Variants in EP300 observed in about 807,000 individuals in gnomAD.
EP300 encodes the protein EP300 lysine acetyltransferase, also known as histone acetyltransferase p300.
EP300 carries 31 observed loss-of-function variants against 264.0 expected under a neutral mutation model. The observed-to-expected ratio is 0.12, with a 90% CI of 0.09 to 0.16. EP300 has a LOEUF of 0.16. Among genes scored for constraint, EP300 ranks in the 10% least tolerant of loss-of-function variants. The probability of loss-of-function intolerance (pLI) is 1.00; values close to 1 mark genes in which losing one functional copy is unlikely to be tolerated. For missense variants in EP300, 2,766 were observed against 3,052.9 expected (o/e 0.91, Z 2.21); for synonymous variants, 1,340 against 1,045.4 (o/e 1.28, Z -5.44).
At chr22:41,149,700 T>C (rs1326193624) in intron 13 of EP300, 61 bp from the exon 14 acceptor site, 4 of 1,528,706 alleles carry the variant, frequency 2.6e-6, no homozygotes, top group East Asian at 2.2e-5. Flanking sequence ...ATCATGCCTA[T>C]GTAAGTATTT....
At chr22:41,161,662 C>T (rs2145753770) in intron 20 of EP300, among the ~76,000 whole-genome samples, 1 of 152,128 alleles carries the variant, frequency 6.6e-6, no homozygotes, top group Non-Finnish European at 1.5e-5. Context: ...AAGATGTAGG[C>T]AGTCATTAGA....
chr22:41,116,494 T>C (rs2058822144), intron 1 of EP300, among the ~76,000 whole-genome samples: 1 of 152,192 alleles, frequency 6.6e-6, no homozygotes, highest in Non-Finnish European at 1.5e-5. Flanking sequence ...TTTCTGAGAA[T>C]GATGGTTTCC....
At chr22:41,160,187 G>T (rs938875959) in intron 19 of EP300, 5 of 203,996 alleles carry the variant, frequency 2.5e-5, no homozygotes, top group Non-Finnish European at 4.1e-5. Flanking sequence ...GAAATGAAAG[G>T]ATATGGGTCT....
chr22:41,117,288 A>T lies in EP300; in HGVS notation c.196A>T (p.Thr66Ser), dbSNP rs750071278. The T allele has an allele frequency of 6.2e-7, 1 of 1,614,210 alleles. No individual in the cohort carries two copies. Among genetic ancestry groups the T allele is most frequent in the South Asian group, 1.1e-5 (1 of 91,090 alleles). Residue 66 changes from threonine (T) to serine (S), a missense_variant, in exon 2 of 31, where the codon ACA becomes TCA. Coordinates refer to ENST00000263253, the MANE Select transcript of EP300 (RefSeq NM_001429.4). Reference sequence around the variant, plus strand: ...TGGTGGTGATATTAATCAGCTTCAGACAAGTCTTGGCATGGTACAAGATGC... The same window carrying T: ...TGGTGGTGATATTAATCAGCTTCAGTCAAGTCTTGGCATGGTACAAGATGC... ...TNGGDINQLQ[T>S]SLGMVQDAAS...
At chr22:41,167,674 A>C (rs1218965634) in intron 23 of EP300, among the ~76,000 whole-genome samples, 1 of 130,952 alleles carries the variant, frequency 7.6e-6, no homozygotes, top group African/African-American at 2.9e-5. Context: ...TTTGGAAACA[A>C]GGTTTCACTG....
intron 1 of EP300, among the ~76,000 whole-genome samples, chr22:41,106,651 T>C (rs1025515721): frequency 3.6e-4 from 55 of 152,208 alleles, no homozygotes; most frequent in Non-Finnish European, 7.9e-4. Context: ...TGTTTGAGAC[T>C]GTCGTCCAGG....
chr22:41,169,496 TG>T lies in EP300; in HGVS notation c.4173-6del. 1 of 1,573,752 alleles carries T rather than the reference TG, an allele frequency of 6.4e-7. No individual in the cohort carries two copies. Among genetic ancestry groups the T allele is most frequent in the East Asian group, 2.2e-5 (1 of 44,702 alleles). ...TTTTCCTCTTCATTTCTCTTCATTTTGTATAGGAGAGTATACATATCTTACC... is the reference window on the plus strand; with the variant it reads ...TTTTCCTCTTCATTTCTCTTCATTTTTATAGGAGAGTATACATATCTTACC... On this transcript the variant is annotated splice_region_variant and splice_polypyrimidine_tract_variant and intron_variant, in intron 25 of 30. Transcript: ENST00000263253.
chr22:41,157,353 T>G lies in EP300; in HGVS notation c.3446T>G (p.Phe1149Cys). Reference sequence around the variant, plus strand: ...TACTGCTCCAAGCTCTCTGAGGTCTTTGAACAAGAAATTGACCCAGTGATG... The same window carrying G: ...TACTGCTCCAAGCTCTCTGAGGTCTGTGAACAAGAAATTGACCCAGTGATG... ...YKYCSKLSEV[F>C]EQEIDPVMQS... The change falls in exon 18 of 31, where the codon TTT (phenylalanine) becomes TGT (cysteine). Residue 1149 changes from phenylalanine to cysteine, a missense_variant. Transcript: ENST00000263253. The G allele has an allele frequency of 6.2e-7, 1 of 1,614,108 alleles. No individual in the cohort carries two copies. The highest frequency in any genetic ancestry group is 8.5e-7 in the Non-Finnish European group (1 of 1,180,012).
intron 10 of EP300, among the ~76,000 whole-genome samples, chr22:41,144,545 CAG>C (rs900747723): frequency 2.0e-5 from 3 of 151,700 alleles, no homozygotes; most frequent in Non-Finnish European, 4.4e-5. Context: ...TTAGTAGAAA[CAG>C]GGTTTCTGTA....
chr22:41,175,255 G>A (rs1325402317), intron 29 of EP300, among the ~76,000 whole-genome samples: 1 of 117,928 alleles, frequency 8.5e-6, no homozygotes, highest in Non-Finnish European at 1.8e-5. Flanking sequence ...CAGAAGCAGC[G>A]AACATTGCTG....
chr22:41,165,492 C>T (rs1036842583), intron 22 of EP300, among the ~76,000 whole-genome samples: 3 of 152,086 alleles, frequency 2.0e-5, no homozygotes, highest in Admixed American at 1.3e-4. Context: ...GGCGCGATCT[C>T]GGCTCACTGC....
chr22:41,149,602 T>TA lies in EP300; in HGVS notation c.2380-158dup, dbSNP rs1235849079. On this transcript the variant is annotated intron_variant, in intron 13 of 30. Transcript: ENST00000263253. ...CTATCTTGATGGTGCTGTCCAAAGA[T>TA]ACATGCCCAGTAATAGGGTATTTTA... Among the ~76,000 whole-genome samples the TA allele has an allele frequency of 5.9e-5, 9 of 152,280 alleles. No homozygotes were observed. In the East Asian group the frequency reaches 1.5e-3, roughly 26 times the overall value.
rs375551161 is a variant in EP300 at position 41,101,435 on chromosome 22, G to A, written c.94+8337G>A. 4.2e-5 allele frequency among the ~76,000 whole-genome samples: 6 copies of A among 144,438 alleles called. No individual in the cohort carries two copies. The South Asian group carries it at 6.6e-4, about 16-fold the overall frequency. The allele number at this position is 144,438 out of a possible 152,430, so 94.8% of individuals were successfully genotyped here. ...GGATCTTTTTTTTTTTTTTTGAGAC[G>A]GAGTCTAGCTCTGTCACCCAGGCTA... On this transcript the variant is annotated intron_variant, in intron 1 of 30. Transcript: ENST00000263253.
At chr22:41,100,422 A>G (rs1016846412) in intron 1 of EP300, among the ~76,000 whole-genome samples, 2 of 152,192 alleles carry the variant, frequency 1.3e-5, no homozygotes, top group African/African-American at 4.8e-5. Flanking sequence ...TATGTCATCT[A>G]TCCAAATGTT....
intron 29 of EP300, 90 bp from the exon 30 acceptor site, chr22:41,176,157 T>C: frequency 6.8e-7 from 1 of 1,466,398 alleles, no homozygotes; most frequent in Non-Finnish European, 9.4e-7. Flanking sequence ...GAGGCAGAGG[T>C]TGTAGTGAGC....
At chr22:41,168,244 T>C (rs2059151458) in intron 23 of EP300, 3 of 591,974 alleles carry the variant, frequency 5.1e-6, no homozygotes, top group Admixed American at 2.9e-5. Context: ...GTATTAAAAT[T>C]AGAATGATAT....
chr22:41,157,052 T>C (rs1039747831), intron 17 of EP300, 117 bp from the exon 18 acceptor site: 14 of 1,283,128 alleles, frequency 1.1e-5, no homozygotes, highest in Non-Finnish European at 1.5e-5. Context: ...TTGGGGAATA[T>C]AGACAGGCCA....
intron 24 of EP300, 26 bp from the exon 25 acceptor site, chr22:41,168,695 G>A (rs2145763214): frequency 6.2e-7 from 1 of 1,614,182 alleles, no homozygotes; most frequent in Non-Finnish European, 8.5e-7. Flanking sequence ...TTATGTTGTG[G>A]TTCCCCCACC....
intron 25 of EP300, chr22:41,169,146 C>A: frequency 1.8e-6 from 1 of 564,142 alleles, no homozygotes; most frequent in Non-Finnish European, 3.2e-6. Flanking sequence ...AGAAAATGAG[C>A]TTAAATCTGG....
Sources: gnomAD v4.1 joint callset for allele counts (sites outside exome capture counted in the v4.1 genomes callset) on GRCh38, gnomAD v4.1.1 for gene constraint, MANE v1.5 for transcripts, NCBI Gene and HGNC (gene_info 2026-07-23, HGNC 2026-07-21) for gene names.